Variants in PARD3B observed in about 807,000 individuals in gnomAD.
The protein encoded by PARD3B is par-3 family cell polarity regulator beta, also known as partitioning defective 3 homolog B.
A neutral mutation model predicts 130.2 loss-of-function variants in PARD3B; 103 were observed. That is an observed-to-expected ratio of 0.79 (90% CI 0.67 to 0.93). The LOEUF is 0.93. Among genes scored for constraint, PARD3B ranks in the 40% least tolerant of loss-of-function variants. PARD3B has a pLI of 0.00. For synonymous variants in PARD3B, 583 were observed against 553.2 expected (o/e 1.05, Z -0.76); for missense variants, 1,609 against 1,499.2 (o/e 1.07, Z -1.21).
intron 18 of PARD3B, among the ~76,000 whole-genome samples, chr2:205,306,841 A>G (rs2042200043): frequency 6.6e-6 from 1 of 152,220 alleles, no homozygotes; most frequent in Non-Finnish European, 1.5e-5. Context: ...CCATTAGCCA[A>G]CAGATTTTGC....
chr2:205,006,827 CTTAT>C (rs1273226252), intron 3 of PARD3B, among the ~76,000 whole-genome samples: 2 of 151,940 alleles, frequency 1.3e-5, no homozygotes, highest in Admixed American at 6.6e-5. Context: ...TTAGGTCCCA[CTTAT>C]TTATTTATTT....
intron 1 of PARD3B, among the ~76,000 whole-genome samples, chr2:204,619,323 G>A (rs868864398): frequency 6.6e-6 from 1 of 152,038 alleles, no homozygotes; most frequent in African/African-American, 2.4e-5. Flanking sequence ...TAATTGGCAG[G>A]CATTTCATCA....
chr2:205,524,764 C>G (rs187861881), intron 21 of PARD3B, among the ~76,000 whole-genome samples: 1 of 152,294 alleles, frequency 6.6e-6, no homozygotes, highest in Admixed American at 6.5e-5. Flanking sequence ...CAGCCTCACC[C>G]TTCTAATGAA....
intron 1 of PARD3B, among the ~76,000 whole-genome samples, chr2:204,617,908 A>G (rs1001659667): frequency 3.3e-5 from 5 of 152,150 alleles, no homozygotes; most frequent in Non-Finnish European, 2.9e-5. Flanking sequence ...GTATTCTGTG[A>G]TGTATATGTA....
intron 15 of PARD3B, among the ~76,000 whole-genome samples, chr2:205,221,751 C>T (rs4675505): frequency 0.56 from 84,854 of 151,864 alleles, 23,941 homozygotes; most frequent in Admixed American, 0.66. Flanking sequence ...TGTCTGTCTC[C>T]GTCTCTGTCT....
At chr2:205,430,993 G>T (rs1162212269) in intron 19 of PARD3B, among the ~76,000 whole-genome samples, 1 of 152,186 alleles carries the variant, frequency 6.6e-6, no homozygotes, top group African/African-American at 2.4e-5. Context: ...TATGCCTTTG[G>T]AAGTATGTAG....
At chr2:204,831,295 C>T (rs1045223860) in intron 2 of PARD3B, among the ~76,000 whole-genome samples, 2 of 152,106 alleles carry the variant, frequency 1.3e-5, no homozygotes, top group Non-Finnish European at 2.9e-5. Flanking sequence ...CCTAGGTGGC[C>T]ATTACACGTA....
chr2:204,598,168 T>C (rs187079656), intron 1 of PARD3B, among the ~76,000 whole-genome samples: 2 of 152,306 alleles, frequency 1.3e-5, no homozygotes, highest in Admixed American at 1.3e-4. Context: ...CATCTCTACG[T>C]AGATTATTTG....
At chr2:204,925,911 C>T (rs1354992022) in intron 2 of PARD3B, among the ~76,000 whole-genome samples, 1 of 152,058 alleles carries the variant, frequency 6.6e-6, no homozygotes, top group Non-Finnish European at 1.5e-5. Context: ...AGGGGCTCTT[C>T]TACCTTTGCT....
intron 10 of PARD3B, among the ~76,000 whole-genome samples, chr2:205,151,541 T>C (rs909298219): frequency 2.0e-5 from 3 of 152,224 alleles, no homozygotes; most frequent in Non-Finnish European, 2.9e-5. Context: ...TCTTTTGAAC[T>C]TTGTTGGTTT....
chr2:204,716,668 G>C (rs993655074), intron 2 of PARD3B, among the ~76,000 whole-genome samples: 19 of 148,574 alleles, frequency 1.3e-4, no homozygotes, highest in African/African-American at 4.0e-4. Flanking sequence ...TGTCGCCCAG[G>C]CTGGAGTACA....
rs1575083758 is a variant in PARD3B at position 205,463,098 on chromosome 2, C to T, written c.3044+22426C>T. 1.3e-5 allele frequency among the ~76,000 whole-genome samples: 2 copies of T among 152,112 alleles called. No individual in the cohort carries two copies. The highest frequency in any genetic ancestry group is 3.8e-4 in the East Asian group (2 of 5,198). ...TTTTTGCCCTCAATATCCTTCCCTG[C>T]CCCCTTATTTGGTTTGAACTGACTC... On this transcript the variant is annotated intron_variant, in intron 20 of 22. Coordinates refer to ENST00000406610, the MANE Select transcript of PARD3B (RefSeq NM_001302769.2). This position sits in a 1 kb window ranked among gnomAD's most constrained non-coding sequence, Gnocchi z 4.8.
chr2:205,356,848 G>A (rs552554871), intron 18 of PARD3B, among the ~76,000 whole-genome samples: 19 of 144,378 alleles, frequency 1.3e-4, no homozygotes, highest in Non-Finnish European at 1.6e-4. Flanking sequence ...CTGAGATTGC[G>A]CCATTATACT....
At chr2:204,743,869 A>G (rs1486811658) in intron 2 of PARD3B, among the ~76,000 whole-genome samples, 2 of 152,102 alleles carry the variant, frequency 1.3e-5, no homozygotes, top group African/African-American at 2.4e-5. Context: ...TGGGCCACAA[A>G]GTAAGGACTT....
intron 15 of PARD3B, among the ~76,000 whole-genome samples, chr2:205,218,286 A>G (rs1307534445): frequency 6.6e-6 from 1 of 152,136 alleles, no homozygotes; most frequent in Non-Finnish European, 1.5e-5. Flanking sequence ...CTATAGGCAC[A>G]AGGCCTAGAG....
rs376864494 is a variant in PARD3B, at chr2:204,880,147, CT to C, written c.223-85004del. 9.2e-5 allele frequency among the ~76,000 whole-genome samples: 14 copies of C among 152,258 alleles called. No homozygotes were observed. The East Asian group carries it at 2.3e-3, about 25-fold the overall frequency. ...ATTTTATTTTCCAGACTACCAACTC[CT>C]GATACATGAAAATTGCTCTATAAAA... On this transcript the variant is annotated intron_variant, in intron 2 of 22. Transcript: ENST00000406610.
At chr2:204,663,298 T>G (rs1191905517) in intron 1 of PARD3B, among the ~76,000 whole-genome samples, 1 of 152,206 alleles carries the variant, frequency 6.6e-6, no homozygotes, top group African/African-American at 2.4e-5. Context: ...TCCTGAGCTC[T>G]GCATGGACAC....
In PARD3B at chr2:205,361,274, G is replaced by A. The variant is rs139774496; in HGVS notation, c.2631-39739G>A. On this transcript the variant is annotated intron_variant, in intron 18 of 22. Coordinates refer to ENST00000406610, the MANE Select transcript of PARD3B (RefSeq NM_001302769.2). ...GGAAAGCCATTTATTTTAGGGTCAG[G>A]AGCTCATGGAATCGGAGAAGATGGT... 1.8e-3 allele frequency among the ~76,000 whole-genome samples: 268 copies of A among 152,214 alleles called. 3 individuals carry two copies. The highest frequency in any genetic ancestry group is 6.1e-3 in the African/African-American group (252 of 41,524).
intron 5 of PARD3B, among the ~76,000 whole-genome samples, chr2:205,106,850 T>G (rs1415481524): frequency 6.6e-6 from 1 of 152,190 alleles, no homozygotes; most frequent in African/African-American, 2.4e-5. Flanking sequence ...AAAAGGATGA[T>G]AACAATCTTA....
Sources: gnomAD v4.1 joint callset for allele counts (sites outside exome capture counted in the v4.1 genomes callset) on GRCh38, gnomAD v4.1.1 for gene constraint, Gnocchi (gnomAD v3.1) non-coding constraint, MANE v1.5 for transcripts, NCBI Gene and HGNC (gene_info 2026-07-23, HGNC 2026-07-21) for gene names.